The following LRP4 variants were observed in gnomAD, a reference collection of about 807,000 sequenced individuals.
LRP4 encodes LDL receptor related protein 4, also known as low-density lipoprotein receptor-related protein 4.
LRP4 carries 95 observed loss-of-function variants against 220.3 expected under a neutral mutation model. The ratio of observed to expected loss-of-function variants is 0.43; its 90% CI spans 0.37 to 0.51. The LOEUF (loss-of-function observed/expected upper bound fraction) is 0.51, where lower values mean the gene tolerates loss of function less well. LRP4 is among the 20% of genes least tolerant of loss of function. LRP4 has a pLI of 0.00. For synonymous variants in LRP4, 903 were observed against 954.6 expected, an observed-to-expected ratio of 0.95 and a Z score of 1.00; for missense variants, 1,925 against 2,567.0, an observed-to-expected ratio of 0.75 and a Z score of 5.40.
chr11:46,894,788 G>A lies in LRP4; in HGVS notation c.1341C>T (p.Arg447=), dbSNP rs1196876945. The change falls in exon 12 of 38, where the codon CGC becomes CGT. Residue 447 remains arginine (R), a synonymous_variant. Coordinates refer to ENST00000378623, the MANE Select transcript of LRP4 (RefSeq NM_002334.4). ...GTGGCAGCACCTGCCGGATGTCGAT[G>A]CGATTGGCGAACAGCAGCACAGGCT... is the stretch of plus-strand genomic sequence containing the variant. ...GPEPVLLFAN[R]IDIRQVLPHR... is the part of the protein sequence containing the mutation. 35 of 1,614,102 alleles carry A rather than the reference G, an allele frequency of 2.2e-5. No homozygotes were observed. The highest frequency in any genetic ancestry group is 2.3e-5 in the Non-Finnish European group (27 of 1,180,036).
intron 34 of LRP4, 122 bp from the exon 35 acceptor site, chr11:46,865,308 G>T: frequency 1.4e-6 from 1 of 727,758 alleles, no homozygotes; most frequent in Admixed American, 2.0e-5. Context: ...GTACAAGATG[G>T]AAGACATCAG....
chr11:46,881,832 TGGC>T lies in LRP4; in HGVS notation c.2681_2683del (p.Arg894del). On this transcript the variant is annotated inframe_deletion, in exon 20 of 38. Transcript: ENST00000378623. ...GGTCAGATTAGAAGAGATAATGACT[TGGC>T]GGCCTGAGGCATCCATGCCAGCTCG... is the stretch of plus-strand genomic sequence containing the variant. 6.2e-7 allele frequency: 1 copy of T among 1,614,188 alleles called. No homozygotes were observed. Among genetic ancestry groups the T allele is most frequent in the Non-Finnish European group, 8.5e-7 (1 of 1,180,024 alleles).
chr11:46,893,342 G>A (rs1941461190), intron 12 of LRP4, among the ~76,000 whole-genome samples: 2 of 152,176 alleles, frequency 1.3e-5, no homozygotes, highest in Admixed American at 1.3e-4. Flanking sequence ...AAAGAGTTAA[G>A]TAACTGTCCA....
Position 46,873,673 on chromosome 11 carries a change from G to T in LRP4, c.4230-80C>A. The T allele has an allele frequency of 8.6e-7, 1 of 1,161,758 alleles. No individual in the cohort carries two copies. Among genetic ancestry groups the T allele is most frequent in the Middle Eastern group, 2.1e-4 (1 of 4,858 alleles). 72.0% of individuals were successfully genotyped at this position (1,161,758 alleles called of 1,614,324 possible). ...AACTTTAACCCATGTTCCCATAACT[G>T]GACCCCACTGAACTGTAAGCTCCAC... On this transcript the variant is annotated intron_variant, in intron 28 of 37. Coordinates refer to ENST00000378623, the MANE Select transcript of LRP4 (RefSeq NM_002334.4). This position sits in a 1 kb window ranked among gnomAD's most constrained non-coding sequence, Gnocchi z 4.2.
intron 18 of LRP4, among the ~76,000 whole-genome samples, chr11:46,884,611 C>CGA (rs1941238809): frequency 6.6e-6 from 1 of 151,918 alleles, no homozygotes; most frequent in African/African-American, 2.4e-5. Flanking sequence ...GTGGCGGGCA[C>CGA]CTGTAGTCCC....
At chr11:46,895,419 G>A in intron 10 of LRP4, 128 bp from the exon 11 acceptor site, 1 of 1,366,232 alleles carries the variant, frequency 7.3e-7, no homozygotes, top group Admixed American at 1.7e-5. Flanking sequence ...GGCTGTCTAA[G>A]AAATGGTTAA....
intron 6 of LRP4, 77 bp downstream of exon 6, chr11:46,898,827 C>T: frequency 6.2e-7 from 1 of 1,609,162 alleles, no homozygotes. Context: ...CCTGCCCCAG[C>T]TGGCGACTGT....
intron 34 of LRP4, among the ~76,000 whole-genome samples, chr11:46,865,823 G>A (rs144323550): frequency 9.3e-4 from 141 of 152,304 alleles, no homozygotes; most frequent in African/African-American, 3.1e-3. Context: ...TCCGAGCGGG[G>A]TCAAAAGTTT....
chr11:46,903,018 GGGCAC>G, intron 1 of LRP4, 89 bp from the exon 2 acceptor site: 15 of 1,519,900 alleles, frequency 9.9e-6, no homozygotes, highest in African/African-American at 1.4e-5. Flanking sequence ...CCTAGTCCAG[GGGCAC>G]TGTCACCTGG....
Position 46,894,839 on chromosome 11 carries a change from T to C in LRP4, c.1310-20A>G, listed in dbSNP as rs1309613367. On this transcript the variant is annotated intron_variant, in intron 11 of 37. Transcript: ENST00000378623. Reference sequence around the variant, plus strand: ...CTGGCCCTGGGAAACAGTATAAACATGGGATACCCACTGGGTTTCAGAGCC... The same window carrying C: ...CTGGCCCTGGGAAACAGTATAAACACGGGATACCCACTGGGTTTCAGAGCC... 5.0e-6 allele frequency: 8 copies of C among 1,606,772 alleles called. No homozygotes were observed. Among genetic ancestry groups the C allele is most frequent in the African/African-American group, 1.3e-5 (1 of 74,774 alleles).
Position 46,890,490 on chromosome 11 carries a change from T to C in LRP4, c.1702A>G (p.Ile568Val), listed in dbSNP as rs2134839472. ...AIALHPMEGT[I>V]YWTDWGNTPR... is the part of the protein sequence containing the mutation. ...GTGTTGCCCCAGTCTGTCCAGTAAA[T>C]GGTACTAGGAAGAGAAAAGTAAATT... The change falls in exon 14 of 38, where the codon ATT becomes GTT. Residue 568 changes from isoleucine (I) to valine (V), a missense_variant. Physicochemically the swap from Ile to Val is conservative, Grantham distance 29 (BLOSUM62 3). This residue lies in a region of LRP4 where 269 missense variants were observed against 436.7 expected (regional missense o/e 0.62). Coordinates refer to ENST00000378623, the MANE Select transcript of LRP4 (RefSeq NM_002334.4). This position sits in a 1 kb window ranked among gnomAD's most constrained non-coding sequence, Gnocchi z 5.3. 1 of 1,612,054 alleles carries C rather than the reference T, an allele frequency of 6.2e-7. No individual in the cohort carries two copies.
rs1941171441 is a variant in LRP4 at position 46,881,883 on chromosome 11, C to A, written c.2633G>T (p.Trp878Leu). ...TCGTTCAATCTTGGGGCTCGCACCC[C>A]AGTCAGTCCAATACATGTACCTGGG... ...PMGGYMYWTD[W>L]GASPKIERAG... Residue 878 changes from tryptophan to leucine, a missense_variant, in exon 20 of 38, where the codon TGG becomes TTG. Coordinates refer to ENST00000378623, the MANE Select transcript of LRP4 (RefSeq NM_002334.4). 6.2e-7 allele frequency: 1 copy of A among 1,614,220 alleles called. No individual in the cohort carries two copies. Among genetic ancestry groups the A allele is most frequent in the South Asian group, 1.1e-5 (1 of 91,076 alleles).
intron 36 of LRP4, 168 bp from the exon 37 acceptor site, chr11:46,862,915 G>A: frequency 1.5e-6 from 1 of 657,234 alleles, no homozygotes; most frequent in South Asian, 1.7e-5. Context: ...GGACTGTTCT[G>A]GTGACTTACT....
intron 7 of LRP4, among the ~76,000 whole-genome samples, chr11:46,897,219 T>C (rs1430299671): frequency 6.6e-6 from 1 of 152,182 alleles, no homozygotes; most frequent in African/African-American, 2.4e-5. Context: ...AAATCTATTA[T>C]GTGACTGGCT....
At chr11:46,888,806 G>A (rs1047226301) in intron 16 of LRP4, among the ~76,000 whole-genome samples, 1 of 152,024 alleles carries the variant, frequency 6.6e-6, no homozygotes, top group Non-Finnish European at 1.5e-5. Context: ...CATATGCCCG[G>A]ACCGCTCCTC....
At chr11:46,885,601 G>A (rs773688022) in intron 18 of LRP4, among the ~76,000 whole-genome samples, 24 of 151,922 alleles carry the variant, frequency 1.6e-4, no homozygotes, top group African/African-American at 4.1e-4. Context: ...GTGAAACCCC[G>A]TCTCTACTAA....
intron 10 of LRP4, 67 bp from the exon 11 acceptor site, chr11:46,895,358 C>T (rs577915584): frequency 1.8e-4 from 293 of 1,598,290 alleles, no homozygotes; most frequent in African/African-American, 6.0e-4. Flanking sequence ...CCCAGGCTGC[C>T]GAGCTGCTTT....
chr11:46,915,965 T>TCCAGGCTCTGAAACTGCTCAATCTTA (rs1941940742), intron 1 of LRP4, among the ~76,000 whole-genome samples: 1 of 152,146 alleles, frequency 6.6e-6, no homozygotes, highest in African/African-American at 2.4e-5. Context: ...TTGTGCTGGT[T>TCCAGGCTCTGAAACTGCTCAATCTTA]CCAGGCTCTG....
intron 25 of LRP4, 78 bp from the exon 26 acceptor site, chr11:46,876,044 T>C (rs1941006659): frequency 1.3e-6 from 2 of 1,493,672 alleles, no homozygotes; most frequent in Non-Finnish European, 1.9e-6. Context: ...TAACAGTATG[T>C]CAGATACACT....
Sources: allele counts gnomAD v4.1 joint callset (sites outside exome capture counted in the v4.1 genomes callset), GRCh38; gene constraint gnomAD v4.1.1; regional missense constraint gnomAD v4.1.1; non-coding constraint Gnocchi (gnomAD v3.1); transcripts MANE v1.5; gene names NCBI Gene and HGNC (gene_info 2026-07-23, HGNC 2026-07-21).